Variants in VPS13B observed in about 807,000 individuals in gnomAD.
VPS13B encodes the protein vacuolar protein sorting 13 homolog B.
VPS13B carries 285 observed loss-of-function variants against 426.4 expected under a neutral mutation model. The ratio of observed to expected loss-of-function variants is 0.67; its 90% confidence interval spans 0.61 to 0.74. VPS13B has a LOEUF of 0.74. Ranked by LOEUF, VPS13B falls within the 30% of genes least tolerant of loss-of-function variation. The pLI, the probability that VPS13B is intolerant of heterozygous loss-of-function variation, is 0.00. For synonymous variants in VPS13B, 1,676 were observed against 1,676.4 expected (o/e 1.00, Z 0.01); for missense variants, 4,537 against 4,782.6 (o/e 0.95, Z 1.51).
At chr8:99,028,670 C>CT (rs1357224039) in intron 2 of VPS13B, among the ~76,000 whole-genome samples, 1 of 129,110 alleles carries the variant, frequency 7.7e-6, no homozygotes, top group African/African-American at 2.9e-5. Context: ...AGGTGGGGGG[C>CT]TGACCCCCCC....
chr8:99,331,110 C>T (rs1340882058), intron 19 of VPS13B, among the ~76,000 whole-genome samples: 2 of 151,752 alleles, frequency 1.3e-5, no homozygotes, highest in Non-Finnish European at 1.5e-5. Flanking sequence ...AATAAGGATG[C>T]ATGGTTCCAC....
At chr8:99,296,395 TTATA>T (rs998332535) in intron 19 of VPS13B, among the ~76,000 whole-genome samples, 7 of 152,146 alleles carry the variant, frequency 4.6e-5, no homozygotes, top group African/African-American at 1.4e-4. Flanking sequence ...TACTACATAT[TTATA>T]TATAGGTAGG....
chr8:99,834,598 A>C lies in VPS13B; in HGVS notation c.9615-599A>C, dbSNP rs140263425. Among the ~76,000 whole-genome samples, 31 of 151,990 alleles carry C rather than the reference A, an allele frequency of 2.0e-4. No homozygotes were observed. The East Asian group carries it at 5.6e-3, about 28-fold the overall frequency. On this transcript the variant is annotated intron_variant, in intron 52 of 61. Transcript: ENST00000357162. ...GTCACCCAGGCTCGAGTGCAGTGGC[A>C]CAAACACGGCTCACTGCATCCTCAA...
chr8:99,857,265 A>G (rs1588791261), intron 56 of VPS13B, among the ~76,000 whole-genome samples: 1 of 151,710 alleles, frequency 6.6e-6, no homozygotes, highest in Non-Finnish European at 1.5e-5. Context: ...GCGGATTCCC[A>G]CTCCCTCTCT....
Position 99,726,795 on chromosome 8 carries a change from A to T in VPS13B, c.7050+5748A>T, listed in dbSNP as rs11988903. On this transcript the variant is annotated intron_variant, in intron 39 of 61. Transcript: ENST00000357162. Reference sequence around the variant, plus strand: ...GGTCTCGAACTCCCGACCTCAAGTGATCTGCCCGCCTTGGCCTCCCAAAGT... The same window carrying T: ...GGTCTCGAACTCCCGACCTCAAGTGTTCTGCCCGCCTTGGCCTCCCAAAGT... Among the ~76,000 whole-genome samples, 525 of 152,326 alleles carry T rather than the reference A, an allele frequency of 3.4e-3. 5 individuals carry two copies. Among genetic ancestry groups the T allele is most frequent in the African/African-American group, 0.012 (502 of 41,560 alleles).
chr8:99,432,920 A>G (rs1277976473), intron 22 of VPS13B, among the ~76,000 whole-genome samples: 2 of 152,238 alleles, frequency 1.3e-5, no homozygotes, highest in Non-Finnish European at 2.9e-5. Flanking sequence ...TTCAGAGAAC[A>G]TACTGAAGAA....
intron 56 of VPS13B, among the ~76,000 whole-genome samples, chr8:99,857,976 G>A (rs1015387474): frequency 5.1e-4 from 77 of 152,256 alleles, no homozygotes; most frequent in East Asian, 1.7e-3. Context: ...CCCTCTCTTC[G>A]TGGGCTGGGC....
chr8:99,350,013 A>G (rs1399666165), intron 19 of VPS13B, among the ~76,000 whole-genome samples: 2 of 152,208 alleles, frequency 1.3e-5, no homozygotes, highest in Non-Finnish European at 2.9e-5. Context: ...AGAGAGATAC[A>G]TCAGTGTTAT....
intron 33 of VPS13B, among the ~76,000 whole-genome samples, chr8:99,595,989 CA>C (rs1196515895): frequency 1.3e-5 from 2 of 151,636 alleles, no homozygotes; most frequent in South Asian, 2.1e-4. Context: ...TGGCTACAGT[CA>C]AAAAAAGTCA....
intron 31 of VPS13B, among the ~76,000 whole-genome samples, chr8:99,558,862 A>G (rs991293671): frequency 2.0e-5 from 3 of 152,194 alleles, no homozygotes; most frequent in Admixed American, 2.0e-4. Flanking sequence ...TAGTGCCACA[A>G]TAAACATACG....
intron 35 of VPS13B, among the ~76,000 whole-genome samples, chr8:99,677,305 A>G (rs1830978968): frequency 3.9e-5 from 6 of 152,186 alleles, no homozygotes; most frequent in Admixed American, 3.9e-4. Flanking sequence ...CTAGCAGGCT[A>G]TCTTCTACAT....
intron 17 of VPS13B, among the ~76,000 whole-genome samples, chr8:99,244,917 G>A (rs1049156052): frequency 5.3e-5 from 8 of 152,220 alleles, no homozygotes; most frequent in African/African-American, 1.9e-4. Flanking sequence ...GTGCATGGAT[G>A]CATGTATGTG....
At chr8:99,140,686 A>C (rs1213785750) in intron 12 of VPS13B, among the ~76,000 whole-genome samples, 865 of 59,854 alleles carry the variant, frequency 0.014, 8 homozygotes, top group African/African-American at 0.058. Context: ...CCCCTTCCTC[A>C]CCCTCCTCCT....
At chr8:99,308,277 C>G (rs1243881016) in intron 19 of VPS13B, among the ~76,000 whole-genome samples, 2 of 151,828 alleles carry the variant, frequency 1.3e-5, no homozygotes, top group Non-Finnish European at 2.9e-5. Context: ...TGTGCTGCAC[C>G]CATTAACTCG....
chr8:99,855,626 A>G (rs1053693372), intron 56 of VPS13B, among the ~76,000 whole-genome samples: 2 of 152,198 alleles, frequency 1.3e-5, no homozygotes, highest in Admixed American at 6.5e-5. Context: ...TCCTCTTTGT[A>G]AAGTTGTACT....
intron 34 of VPS13B, among the ~76,000 whole-genome samples, chr8:99,647,078 A>ATACCT (rs1392412893): frequency 2.6e-5 from 4 of 152,128 alleles, no homozygotes; most frequent in Admixed American, 6.6e-5. Context: ...AGGTTGTTAT[A>ATACCT]GAGATATTGG....
intron 17 of VPS13B, among the ~76,000 whole-genome samples, chr8:99,240,509 A>C (rs911366132): frequency 2.6e-5 from 4 of 152,216 alleles, no homozygotes; most frequent in Non-Finnish European, 5.9e-5. Context: ...AGGGATTATA[A>C]GTATAGTGAA....
At chr8:99,725,703 A>G (rs1468442831) in intron 39 of VPS13B, among the ~76,000 whole-genome samples, 1 of 152,214 alleles carries the variant, frequency 6.6e-6, no homozygotes, top group Non-Finnish European at 1.5e-5. Context: ...ATTACATTAT[A>G]TATCACTATT....
intron 3 of VPS13B, among the ~76,000 whole-genome samples, chr8:99,058,320 T>G (rs1843994395): frequency 6.6e-6 from 1 of 151,696 alleles, no homozygotes; most frequent in South Asian, 2.1e-4. Flanking sequence ...TTAGAAAATA[T>G]AGCTATTTTT....
Sources: gnomAD v4.1 joint callset for allele counts (sites outside exome capture counted in the v4.1 genomes callset) on GRCh38, gnomAD v4.1.1 for gene constraint, MANE v1.5 for transcripts, NCBI Gene and HGNC (gene_info 2026-07-23, HGNC 2026-07-21) for gene names.